Variants in USH2A observed in about 807,000 individuals in gnomAD.
USH2A encodes the protein usherin, also known as Usher syndrome 2A (autosomal recessive, mild).
Under a neutral mutation model 538.9 loss-of-function variants are expected in USH2A, and 443 were observed. The observed-to-expected ratio is 0.82, with a 90% CI of 0.76 to 0.89. USH2A has a LOEUF of 0.89. Ranked by LOEUF, USH2A falls within the 40% of genes least tolerant of loss-of-function variation. The pLI, the probability that USH2A is intolerant of heterozygous loss-of-function variation, is 0.00. For missense variants in USH2A, 6,633 were observed against 6,324.8 expected, an observed-to-expected ratio of 1.05 and a Z score of -1.65; for synonymous variants, 2,413 against 2,273.5, an observed-to-expected ratio of 1.06 and a Z score of -1.75.
At chr1:216,075,956 A>C (rs1309861701) in intron 27 of USH2A, among the ~76,000 whole-genome samples, 1 of 152,166 alleles carries the variant, frequency 6.6e-6, no homozygotes, top group Admixed American at 6.5e-5. Flanking sequence ...CGTTTTTAAG[A>C]CAATTGATAG....
Position 215,933,210 on chromosome 1 carries a change from G to C in USH2A, c.7300+1406C>G, listed in dbSNP as rs1044161677. 6.6e-5 allele frequency among the ~76,000 whole-genome samples: 10 copies of C among 151,818 alleles called. No individual in the cohort carries two copies. In the Admixed American group the frequency reaches 6.6e-4, roughly 10 times the overall value. ...CTTTAATTTCTAAATTTGAGTAAAGGATATTATATTCTAAGGTTTAGAGCC... is the reference window on the plus strand; with the variant it reads ...CTTTAATTTCTAAATTTGAGTAAAGCATATTATATTCTAAGGTTTAGAGCC... On this transcript the variant is annotated intron_variant, in intron 38 of 71. Coordinates refer to ENST00000307340, the MANE Select transcript of USH2A (RefSeq NM_206933.4).
chr1:216,177,197 C>T (rs1210263791), intron 20 of USH2A, among the ~76,000 whole-genome samples: 1 of 152,110 alleles, frequency 6.6e-6, no homozygotes, highest in Non-Finnish European at 1.5e-5. Context: ...ATGAGCATTC[C>T]TTCTACTGTA....
rs542215041 is a variant in USH2A, at chr1:215,676,281, G to A, written c.12295-665C>T. Among the ~76,000 whole-genome samples the A allele has an allele frequency of 2.0e-5, 3 of 152,054 alleles. No homozygotes were observed. In the South Asian group the frequency reaches 6.2e-4, roughly 32 times the overall value. On this transcript the variant is annotated intron_variant, in intron 62 of 71. Transcript: ENST00000307340. ...ATGGAAGAACTGATTGCTCCTTTGG[G>A]GGCAAAGTAGTCTTTTGTTCTGGAA... is the stretch of plus-strand genomic sequence containing the variant.
At position 216,257,602 on chromosome 1, in the gene USH2A, T is replaced by G. The variant is rs902086484; in HGVS notation, c.1972-6504A>C. ...GTTTTCAGTGTACTGTACTTGGAAT[T>G]TTTCAGCCATAAATTATTTGAATAT... On this transcript the variant is annotated intron_variant, in intron 11 of 71. Coordinates refer to ENST00000307340, the MANE Select transcript of USH2A (RefSeq NM_206933.4). Among the ~76,000 whole-genome samples the G allele has an allele frequency of 2.0e-5, 3 of 151,982 alleles. No individual in the cohort carries two copies. In the South Asian group the frequency reaches 6.2e-4, roughly 31 times the overall value.
At chr1:215,709,641 T>G (rs1210061689) in intron 61 of USH2A, among the ~76,000 whole-genome samples, 3 of 88,806 alleles carry the variant, frequency 3.4e-5, no homozygotes, top group East Asian at 8.3e-4. Flanking sequence ...TTGAAGATAA[T>G]TTGTAAAAAA....
At chr1:215,822,914 GA>G (rs1663050634) in intron 47 of USH2A, among the ~76,000 whole-genome samples, 1 of 151,908 alleles carries the variant, frequency 6.6e-6, no homozygotes, top group Non-Finnish European at 1.5e-5. Flanking sequence ...AAGAAACAAT[GA>G]AAAAACTCTA....
intron 36 of USH2A, among the ~76,000 whole-genome samples, chr1:215,966,319 A>T (rs1221439317): frequency 6.6e-6 from 1 of 152,180 alleles, no homozygotes; most frequent in East Asian, 1.9e-4. Flanking sequence ...TCTTTTAATC[A>T]TTAGCTTAAA....
At chr1:216,212,941 C>T (rs2035271936) in intron 15 of USH2A, among the ~76,000 whole-genome samples, 3 of 152,010 alleles carry the variant, frequency 2.0e-5, no homozygotes, top group Admixed American at 2.0e-4. Flanking sequence ...AAAGTGATCA[C>T]ACACAGATCC....
intron 60 of USH2A, among the ~76,000 whole-genome samples, chr1:215,735,958 G>A (rs766675287): frequency 1.3e-4 from 20 of 152,002 alleles, no homozygotes; most frequent in Non-Finnish European, 1.9e-4. Context: ...AATTCCAAGA[G>A]GCTAATTATC....
intron 56 of USH2A, among the ~76,000 whole-genome samples, chr1:215,766,232 G>T (rs1008275366): frequency 6.6e-6 from 1 of 151,912 alleles, no homozygotes; most frequent in African/African-American, 2.4e-5. Flanking sequence ...TCCTCTTCAG[G>T]CCAACCTTAG....
intron 38 of USH2A, among the ~76,000 whole-genome samples, chr1:215,921,909 T>C (rs1666108112): frequency 6.6e-6 from 1 of 152,054 alleles, no homozygotes; most frequent in African/African-American, 2.4e-5. Context: ...GTATGAGTGA[T>C]CACAACATCA....
intron 11 of USH2A, among the ~76,000 whole-genome samples, chr1:216,274,617 G>A (rs2036635720): frequency 6.6e-6 from 1 of 152,056 alleles, no homozygotes; most frequent in Non-Finnish European, 1.5e-5. Flanking sequence ...AGTGGGTTCT[G>A]CCACATATAA....
At chr1:216,388,023 A>G (rs916112080) in intron 3 of USH2A, among the ~76,000 whole-genome samples, 5 of 152,160 alleles carry the variant, frequency 3.3e-5, no homozygotes, top group East Asian at 1.9e-4. Context: ...CCCCTTGAAT[A>G]GCATTATTGG....
intron 3 of USH2A, among the ~76,000 whole-genome samples, chr1:216,374,841 G>A (rs1336852408): frequency 6.6e-6 from 1 of 151,972 alleles, no homozygotes; most frequent in Non-Finnish European, 1.5e-5. Context: ...AGATGTTCTA[G>A]GCTCATTTTG....
At chr1:215,711,696 T>C (rs187970658) in intron 61 of USH2A, among the ~76,000 whole-genome samples, 3 of 152,326 alleles carry the variant, frequency 2.0e-5, no homozygotes, top group Non-Finnish European at 2.9e-5. Flanking sequence ...GCCTGTTTTG[T>C]AATGAATAAA....
intron 11 of USH2A, among the ~76,000 whole-genome samples, chr1:216,277,557 A>T (rs1224895791): frequency 6.6e-6 from 1 of 152,038 alleles, no homozygotes; most frequent in Non-Finnish European, 1.5e-5. Flanking sequence ...AAAAGAAGAG[A>T]ATGCCCCTTT....
At chr1:216,015,956 A>G (rs1361917316) in intron 32 of USH2A, among the ~76,000 whole-genome samples, 3 of 152,222 alleles carry the variant, frequency 2.0e-5, no homozygotes, top group East Asian at 1.9e-4. Context: ...ACGTCCATCA[A>G]TGAAAGACTG....
At chr1:216,156,671 C>T (rs970907174) in intron 21 of USH2A, among the ~76,000 whole-genome samples, 3 of 152,074 alleles carry the variant, frequency 2.0e-5, no homozygotes, top group African/African-American at 7.2e-5. Context: ...TAGAAATGGA[C>T]AACTGAGACC....
chr1:216,283,778 C>A (rs1025107839), intron 11 of USH2A, among the ~76,000 whole-genome samples: 6 of 152,100 alleles, frequency 3.9e-5, no homozygotes, highest in African/African-American at 1.4e-4. Flanking sequence ...GTATTTATTT[C>A]TTTGGATCAT....
Sources: gnomAD v4.1 joint callset for allele counts (sites outside exome capture counted in the v4.1 genomes callset) on GRCh38, gnomAD v4.1.1 for gene constraint, MANE v1.5 for transcripts, NCBI Gene and HGNC (gene_info 2026-07-23, HGNC 2026-07-21) for gene names.